Variants in DCST2 observed in about 807,000 individuals in gnomAD.
DCST2 encodes the protein DC-STAMP domain-containing protein 2.
DCST2 carries 64 observed loss-of-function variants against 81.8 expected under a neutral mutation model. That is an observed-to-expected ratio of 0.78 (90% CI 0.64 to 0.96). The LOEUF (loss-of-function observed/expected upper bound fraction) is 0.96. Ranked by LOEUF, DCST2 falls within the 40% of genes least tolerant of loss-of-function variation. DCST2 has a pLI of 0.00. For synonymous variants in DCST2, 354 were observed against 402.6 expected, an observed-to-expected ratio of 0.88 and a Z score of 1.44; for missense variants, 945 against 1,001.4, an observed-to-expected ratio of 0.94 and a Z score of 0.76.
At chr1:155,031,315 G>T in intron 4 of DCST2, 81 bp from the exon 5 acceptor site, 1 of 1,419,500 alleles carries the variant, frequency 7.0e-7, no homozygotes. Context: ...TCTTCTCACA[G>T]GGCCTCTTTT....
In DCST2 at chr1:155,029,202, A is replaced by T. The variant is rs878892047; in HGVS notation, c.1342+31T>A. 3.1e-6 allele frequency: 5 copies of T among 1,608,520 alleles called. No individual in the cohort carries two copies. In the South Asian group the frequency reaches 5.5e-5, roughly 18 times the overall value. ...CAGGCCGAGGGGGCTGCAGTGGGTGAGTGGGAGGAGGCTGTCACGTAGGCA... is the reference window on the plus strand; with the variant it reads ...CAGGCCGAGGGGGCTGCAGTGGGTGTGTGGGAGGAGGCTGTCACGTAGGCA... On this transcript the variant is annotated intron_variant, in intron 8 of 14. Coordinates refer to ENST00000368424, the MANE Select transcript of DCST2 (RefSeq NM_144622.3).
At chr1:155,024,294 T>TATA (rs1659837785) in intron 11 of DCST2, among the ~76,000 whole-genome samples, 178 bp downstream of exon 11, 1 of 152,086 alleles carries the variant, frequency 6.6e-6, no homozygotes, top group Non-Finnish European at 1.5e-5. Context: ...AAACTTAAAG[T>TATA]ATAATAATAA....
chr1:155,023,747 C>A (rs974358849), intron 12 of DCST2, 85 bp downstream of exon 12: 1 of 1,598,008 alleles, frequency 6.3e-7, no homozygotes, highest in Admixed American at 1.8e-5. Context: ...CAAGAGAAGT[C>A]CATCAAGGAA....
Position 155,030,169 on chromosome 1 carries a change from C to G in DCST2, c.1092G>C (p.Leu364=), listed in dbSNP as rs769395455. The G allele has an allele frequency of 6.2e-7, 1 of 1,614,170 alleles. No individual in the cohort carries two copies. Among genetic ancestry groups the G allele is most frequent in the Non-Finnish European group, 8.5e-7 (1 of 1,180,030 alleles). ...CCGTGGAGCGCACAGCCTCCATGCG[C>G]AGGAATCGGCTAGTGATGTAGATAT... ...YDNIYITSRF[L]RMEAVRSTAG... The change falls in exon 7 of 15, where the codon CTG becomes CTC. Residue 364 remains leucine, a synonymous_variant. Transcript: ENST00000368424.
rs1232969265 is a variant in DCST2, at chr1:155,026,565, G to A, written c.1493C>T (p.Thr498Ile). 6.2e-7 allele frequency: 1 copy of A among 1,614,204 alleles called. No homozygotes were observed. Among genetic ancestry groups the A allele is most frequent in the South Asian group, 1.1e-5 (1 of 91,084 alleles). ...CLLRPSEPDS[T>I]GYIVIGVMYG... is the part of the protein sequence containing the mutation. Reference sequence around the variant, plus strand: ...GTTGATACCAATGACTATGTAGCCAGTGCTGTCAGGCTCCGAGGGACGAAG... The same window carrying A: ...GTTGATACCAATGACTATGTAGCCAATGCTGTCAGGCTCCGAGGGACGAAG... The change falls in exon 9 of 15, where the codon ACT (threonine) becomes ATT (isoleucine). Residue 498 changes from threonine (T) to isoleucine (I), a missense_variant. Thr to Ile is a moderately conservative substitution (Grantham distance 89). Transcript: ENST00000368424.
At position 155,030,093 on chromosome 1, in the gene DCST2, T is replaced by C; in HGVS notation, c.1168A>G (p.Ile390Val). ...TCCTCAGGGCCCTCACCCGGTGGGA[T>C]GTAGCGCCTGGCCTCGTGAGCACTG... ...PLSAHEARRYIPPGSIFLSQW... is the reference protein window; with the variant it reads ...PLSAHEARRYVPPGSIFLSQW... The change falls in exon 7 of 15, where the codon ATC (isoleucine) becomes GTC (valine). Residue 390 changes from isoleucine to valine, a missense_variant. By Grantham distance (29) the Ile-to-Val change is conservative. Transcript: ENST00000368424. 6.2e-7 allele frequency: 1 copy of C among 1,613,418 alleles called. No homozygotes were observed. The highest frequency in any genetic ancestry group is 1.1e-5 in the South Asian group (1 of 91,038).
At chr1:155,019,127 C>T in intron 14 of DCST2, among the ~76,000 whole-genome samples, 1 of 152,194 alleles carries the variant, frequency 6.6e-6, no homozygotes, top group East Asian at 1.9e-4. Context: ...AACCTCTTGA[C>T]TCATCATGAC....
At chr1:155,024,705 A>G (rs1352578991) in intron 10 of DCST2, 103 bp from the exon 11 acceptor site, 55 of 1,300,722 alleles carry the variant, frequency 4.2e-5, no homozygotes, top group Non-Finnish European at 4.7e-5. Flanking sequence ...TCCAACTCCT[A>G]TGAATCCCTC....
Position 155,031,712 on chromosome 1 carries a change from C to G in DCST2, c.601G>C (p.Glu201Gln). 1 of 1,614,106 alleles carries G rather than the reference C, an allele frequency of 6.2e-7. No homozygotes were observed. The highest frequency in any genetic ancestry group is 1.1e-5 in the South Asian group (1 of 91,086). Residue 201 changes from glutamate (E) to glutamine (Q), a missense_variant, in exon 4 of 15, where the codon GAA (glutamate) becomes CAA (glutamine). Coordinates refer to ENST00000368424, the MANE Select transcript of DCST2 (RefSeq NM_144622.3). ...LLHIGDVCNS[E>Q]LGNPYLKCAR... ...CACTTCAGGTAAGGGTTGCCCAGTT[C>G]CGAGTTGCACACATCGCCGATGTGC...
chr1:155,023,644 T>A (rs1165586003), intron 12 of DCST2, 187 bp from the exon 13 acceptor site: 2 of 1,549,376 alleles, frequency 1.3e-6, no homozygotes, highest in South Asian at 2.4e-5. Flanking sequence ...CCCGGGAGAA[T>A]AAAGGCAAGC....
intron 14 of DCST2, among the ~76,000 whole-genome samples, chr1:155,022,501 C>G (rs367572379): frequency 1.3e-5 from 2 of 152,136 alleles, no homozygotes; most frequent in African/African-American, 4.8e-5. Flanking sequence ...AAGGCCAAGG[C>G]GAGAGGATGG....
intron 10 of DCST2, among the ~76,000 whole-genome samples, chr1:155,025,149 A>C: frequency 1.9e-5 from 1 of 52,952 alleles, no homozygotes; most frequent in South Asian, 1.2e-3. Context: ...TTCTGTCTCA[A>C]AAAAAAAAAA....
rs1659832013 is a variant in DCST2, at chr1:155,024,161, CGG to C, written c.1743-204_1743-203del. 2.6e-5 allele frequency among the ~76,000 whole-genome samples: 4 copies of C among 152,218 alleles called. 1 individual carries two copies. In the Middle Eastern group the frequency reaches 0.014, roughly 518 times the overall value. ...CTCACCCCTAAGAATTCCCACCTTA[CGG>C]GGAGAGGGATAGCATTAGGAGACAT... On this transcript the variant is annotated intron_variant, in intron 11 of 14. Transcript: ENST00000368424.
chr1:155,023,944 A>AC lies in DCST2; in HGVS notation c.1757dup (p.Pro587SerfsTer22). On this transcript the variant is annotated frameshift_variant, in exon 12 of 15. Coordinates refer to ENST00000368424, the MANE Select transcript of DCST2 (RefSeq NM_144622.3). LOFTEE classifies it high-confidence loss of function. The stretch of plus-strand genomic sequence containing the variant: ...GCAGCCAAAAGTGGCTGACAAATGG[A>AC]CCTAGGCAGGGGCACCTGAGAAAAG... 1 of 1,613,178 alleles carries AC rather than the reference A, an allele frequency of 6.2e-7. No homozygotes were observed.
intron 8 of DCST2, among the ~76,000 whole-genome samples, chr1:155,028,159 C>T (rs1659965019): frequency 1.3e-5 from 2 of 151,586 alleles, no homozygotes; most frequent in South Asian, 4.2e-4. Context: ...CTCCTGACTT[C>T]AGGTGATCTA....
rs1660154393 is a variant in DCST2, at chr1:155,033,185, G to A, written c.348C>T (p.Phe116=). 6.2e-7 allele frequency: 1 copy of A among 1,613,694 alleles called. No individual in the cohort carries two copies. The highest frequency in any genetic ancestry group is 1.3e-5 in the African/African-American group (1 of 75,014). The part of the protein sequence containing the change: ...QGPCANTLRN[F]TRASEAVACG... The stretch of plus-strand genomic sequence containing the variant: ...AGGCTACAGCCTCGCTGGCCCGGGT[G>A]AAGTTGCGTAGAGTGTTGGCACAAG... Residue 116 remains phenylalanine, a synonymous_variant, in exon 2 of 15, where the codon TTC becomes TTT. Coordinates refer to ENST00000368424, the MANE Select transcript of DCST2 (RefSeq NM_144622.3).
chr1:155,019,540 T>C (rs938856851), intron 14 of DCST2, among the ~76,000 whole-genome samples: 6 of 152,100 alleles, frequency 3.9e-5, no homozygotes, highest in Admixed American at 3.9e-4. Flanking sequence ...CCTCTCTGAG[T>C]CCCTCCTGTT....
At chr1:155,032,294 C>A (rs1330909139) in intron 3 of DCST2, among the ~76,000 whole-genome samples, 2 of 147,542 alleles carry the variant, frequency 1.4e-5, no homozygotes, top group Non-Finnish European at 3.0e-5. Context: ...ACCTGGCCCC[C>A]CCGCTTTTTT....
intron 5 of DCST2, 25 bp from the exon 6 acceptor site, chr1:155,030,670 A>T: frequency 6.2e-7 from 1 of 1,612,882 alleles, no homozygotes; most frequent in Non-Finnish European, 8.5e-7. Context: ...TTCAGGGGAG[A>T]CGTGGGCAAG....
Sources: allele counts gnomAD v4.1 joint callset (sites outside exome capture counted in the v4.1 genomes callset), GRCh38; gene constraint gnomAD v4.1.1; transcripts MANE v1.5; gene names NCBI Gene and HGNC (gene_info 2026-07-23, HGNC 2026-07-21).